Variants in PTPRB observed in about 807,000 individuals in gnomAD.
The protein encoded by PTPRB is receptor-type tyrosine-protein phosphatase beta.
A neutral mutation model predicts 238.1 loss-of-function variants in PTPRB; 97 were observed. The ratio of observed to expected loss-of-function variants is 0.41; its 90% CI spans 0.35 to 0.48. The LOEUF (loss-of-function observed/expected upper bound fraction) is 0.48. Among genes scored for constraint, PTPRB ranks in the 20% least tolerant of loss-of-function variants. The pLI, the probability that PTPRB is intolerant of heterozygous loss-of-function variation, is 0.30. For synonymous variants in PTPRB, 970 were observed against 995.4 expected (o/e 0.97, Z 0.48); for missense variants, 2,292 against 2,681.9 (o/e 0.85, Z 3.21).
intron 33 of PTPRB, among the ~76,000 whole-genome samples, chr12:70,524,205 C>T (rs1872003764): frequency 6.6e-6 from 1 of 152,002 alleles, no homozygotes; most frequent in African/African-American, 2.4e-5. Context: ...ACCTCCCAAG[C>T]CCAAGTGATC....
intron 32 of PTPRB, chr12:70,525,405 C>CTGTT (rs1462055829): frequency 1.3e-5 from 2 of 152,122 alleles, no homozygotes; most frequent in African/African-American, 4.8e-5. Context: ...CCCCGCTGGA[C>CTGTT]TGTTAGTTCT....
intron 2 of PTPRB, among the ~76,000 whole-genome samples, chr12:70,625,386 C>G (rs1260046588): frequency 6.6e-6 from 1 of 152,144 alleles, no homozygotes; most frequent in Non-Finnish European, 1.5e-5. Flanking sequence ...GCTATTATAA[C>G]AAGTTTCTCA....
At chr12:70,609,013 A>C (rs76441945) in intron 4 of PTPRB, 56 bp downstream of exon 4, 5 of 1,559,668 alleles carry the variant, frequency 3.2e-6, no homozygotes, top group Non-Finnish European at 4.4e-6. Flanking sequence ...CAGCTTGAAA[A>C]GGCAGGGCCC....
At chr12:70,616,819 T>C (rs1238177284) in intron 3 of PTPRB, among the ~76,000 whole-genome samples, 4 of 152,190 alleles carry the variant, frequency 2.6e-5, no homozygotes, top group Non-Finnish European at 4.4e-5. Context: ...TTTCAATGCA[T>C]GTGTTCTGTT....
intron 31 of PTPRB, among the ~76,000 whole-genome samples, chr12:70,533,617 C>G (rs1277590036): frequency 6.6e-6 from 1 of 152,086 alleles, no homozygotes; most frequent in East Asian, 1.9e-4. Flanking sequence ...TGTTTGTGTC[C>G]CCTCCAAAAA....
At chr12:70,625,343 G>A (rs927594379) in intron 2 of PTPRB, among the ~76,000 whole-genome samples, 9 of 152,136 alleles carry the variant, frequency 5.9e-5, no homozygotes, top group African/African-American at 1.7e-4. Flanking sequence ...TGGAAACTGC[G>A]ATTTAGCAGA....
At chr12:70,632,227 A>G (rs972126541) in intron 2 of PTPRB, among the ~76,000 whole-genome samples, 5 of 152,228 alleles carry the variant, frequency 3.3e-5, no homozygotes, top group African/African-American at 1.2e-4. Context: ...GCACATATAC[A>G]CCATGGAATA....
At chr12:70,543,571 T>C (rs765475706) in intron 22 of PTPRB, among the ~76,000 whole-genome samples, 1 of 152,186 alleles carries the variant, frequency 6.6e-6, no homozygotes. Flanking sequence ...CATAAATAGA[T>C]TGGAATGTTT....
intron 2 of PTPRB, among the ~76,000 whole-genome samples, chr12:70,625,889 C>T (rs1885152131): frequency 6.6e-6 from 1 of 152,114 alleles, no homozygotes; most frequent in Non-Finnish European, 1.5e-5. Context: ...ATTTAAGTTG[C>T]ATAAAGCTCT....
At chr12:70,588,095 C>CAAAAAAA (rs10558140) in intron 8 of PTPRB, among the ~76,000 whole-genome samples, 4 of 104,648 alleles carry the variant, frequency 3.8e-5, no homozygotes, top group African/African-American at 3.9e-5. Context: ...GACTCTGTCT[C>CAAAAAAA]AAAAAAAAAA....
At chr12:70,544,397 G>T (rs564720868) in intron 22 of PTPRB, among the ~76,000 whole-genome samples, 160 bp downstream of exon 22, 11 of 152,192 alleles carry the variant, frequency 7.2e-5, no homozygotes, top group African/African-American at 2.4e-4. Context: ...TTCTAGAGAG[G>T]TTGTACAATC....
intron 6 of PTPRB, among the ~76,000 whole-genome samples, chr12:70,592,916 A>G (rs946156048): frequency 1.3e-5 from 2 of 152,198 alleles, no homozygotes; most frequent in Non-Finnish European, 2.9e-5. Context: ...AGGCTAGGTC[A>G]AAGACCTACA....
intron 6 of PTPRB, among the ~76,000 whole-genome samples, chr12:70,593,169 T>C (rs994871799): frequency 1.3e-5 from 2 of 152,168 alleles, no homozygotes; most frequent in African/African-American, 4.8e-5. Context: ...AAAAAGGAGA[T>C]ACCCTTTGGT....
chr12:70,586,675 T>C (rs538148912), intron 9 of PTPRB, among the ~76,000 whole-genome samples: 3 of 152,342 alleles, frequency 2.0e-5, no homozygotes, highest in Admixed American at 1.3e-4. Flanking sequence ...CTGTTATTTC[T>C]TCTGCCTTTA....
intron 11 of PTPRB, among the ~76,000 whole-genome samples, chr12:70,572,867 A>G (rs1880248387): frequency 6.6e-6 from 1 of 152,046 alleles, no homozygotes; most frequent in South Asian, 2.1e-4. Context: ...GAGATTTTCC[A>G]CATCACTGGT....
Position 70,553,918 on chromosome 12 carries a change from A to G in PTPRB, c.5144-898T>C, listed in dbSNP as rs980784305. Among the ~76,000 whole-genome samples the G allele has an allele frequency of 3.3e-5, 5 of 152,346 alleles. No individual in the cohort carries two copies. The South Asian group carries it at 8.3e-4, about 25-fold the overall frequency. On this transcript the variant is annotated intron_variant, in intron 20 of 33. Coordinates refer to ENST00000334414, the MANE Select transcript of PTPRB (RefSeq NM_001109754.4). ...AACCTGGAAATCACAGCTCATCTCCATGGACATCAATAATGGGAAGGCTGT... is the reference window on the plus strand; with the variant it reads ...AACCTGGAAATCACAGCTCATCTCCGTGGACATCAATAATGGGAAGGCTGT...
intron 26 of PTPRB, chr12:70,539,344 G>C: frequency 1.8e-6 from 1 of 544,820 alleles, no homozygotes; most frequent in Non-Finnish European, 3.3e-6. Flanking sequence ...CTGAATATCT[G>C]ACAGCTTTAG....
Position 70,571,853 on chromosome 12 carries a change from T to G in PTPRB, c.3077A>C (p.Glu1026Ala). Residue 1026 changes from glutamate (E) to alanine (A), a missense_variant, in exon 12 of 34, where the codon GAA becomes GCA. This residue lies in a region of PTPRB where 1,205 missense variants were observed against 1,287.8 expected (regional missense o/e 0.94). Coordinates refer to ENST00000334414, the MANE Select transcript of PTPRB (RefSeq NM_001109754.4). ...TCTCCCATTCCCTTGTTCATTGGCT[T>G]CATATTGTCCACTTTTTGTAGTAAC... ...VTVTTKSGQY[E>A]ANEQGNGRTI... 6.2e-7 allele frequency: 1 copy of G among 1,613,914 alleles called. No individual in the cohort carries two copies. Among genetic ancestry groups the G allele is most frequent in the East Asian group, 2.2e-5 (1 of 44,882 alleles).
At position 70,594,725 on chromosome 12, in the gene PTPRB, C is replaced by A. The variant is rs1004717861; in HGVS notation, c.1259-1G>T. On this transcript the variant is annotated splice_acceptor_variant, in intron 5 of 33. Coordinates refer to ENST00000334414, the MANE Select transcript of PTPRB (RefSeq NM_001109754.4). LOFTEE classifies it high-confidence loss of function. ...CCAATATCTTTCACTGGAGATGGCA[C>A]TAGTGGGATAAAATGCATGTCCAAA... 9 of 1,613,762 alleles carry A rather than the reference C, an allele frequency of 5.6e-6. No individual in the cohort carries two copies. The highest frequency in any genetic ancestry group is 7.6e-6 in the Non-Finnish European group (9 of 1,179,728).
Sources: gnomAD v4.1 joint callset for allele counts (sites outside exome capture counted in the v4.1 genomes callset) on GRCh38, gnomAD v4.1.1 for gene constraint, gnomAD v4.1.1 regional missense constraint, MANE v1.5 for transcripts, NCBI Gene and HGNC (gene_info 2026-07-23, HGNC 2026-07-21) for gene names.